The following CRELD1 variants were observed in gnomAD, a reference collection of about 807,000 sequenced individuals.
CRELD1 encodes the protein CRELD disulfide isomerase 1, also known as protein disulfide isomerase CRELD1.
A neutral mutation model predicts 58.2 loss-of-function variants in CRELD1; 42 were observed. That is an observed-to-expected ratio of 0.72 (90% CI 0.56 to 0.93). The LOEUF is 0.93. Among genes scored for constraint, CRELD1 ranks in the 40% least tolerant of loss-of-function variants. CRELD1 has a pLI of 0.00. For missense variants in CRELD1, 500 were observed against 540.6 expected (o/e 0.92, Z 0.74); for synonymous variants, 222 against 202.0 (o/e 1.10, Z -0.84).
At chr3:9,940,040 G>A (rs7627321) in intron 5 of CRELD1, among the ~76,000 whole-genome samples, 54,154 of 150,316 alleles carry the variant, frequency 0.36, 13,106 homozygotes, top group African/African-American at 0.7. Flanking sequence ...GGCGGCTGCC[G>A]GGCGGAGGGG....
In CRELD1 at chr3:9,940,745, G is replaced by A. The variant is rs541443656; in HGVS notation, c.461-105G>A. The A allele has an allele frequency of 1.1e-4, 78 of 680,080 alleles. 1 individual carries two copies. Among genetic ancestry groups the A allele is most frequent in the South Asian group, 1.0e-3 (65 of 64,104 alleles). The allele number at this position is 680,080 out of a possible 1,614,324, so 42.1% of individuals were successfully genotyped here. A position where few individuals can be genotyped will look rare whatever the true frequency, so the allele number is the denominator to read the frequency against. On this transcript the variant is annotated intron_variant, in intron 5 of 10. Transcript: ENST00000452070. ...GAAAGGGGGAGGGGGAGGGGAGGGG[G>A]GGAGGGAGGGAAGGCAAGGGAGAGG... is the stretch of plus-strand genomic sequence containing the variant.
intron 7 of CRELD1, 120 bp from the exon 8 acceptor site, chr3:9,942,693 G>C: frequency 4.9e-6 from 4 of 821,130 alleles, no homozygotes; most frequent in South Asian, 4.1e-5. Context: ...TGTGTTGGTA[G>C]ACAGCTTGCA....
intron 10 of CRELD1, 137 bp downstream of exon 10, chr3:9,943,652 C>A: frequency 6.4e-7 from 1 of 1,567,226 alleles, no homozygotes; most frequent in South Asian, 1.2e-5. Flanking sequence ...GCACTGAGAC[C>A]GGGCTCTACA....
At chr3:9,939,788 C>CG (rs2085296773) in intron 5 of CRELD1, among the ~76,000 whole-genome samples, 1 of 152,060 alleles carries the variant, frequency 6.6e-6, no homozygotes, top group Admixed American at 6.5e-5. Context: ...CACCTTTCCC[C>CG]CTTTTCTATT....
intron 7 of CRELD1, among the ~76,000 whole-genome samples, chr3:9,941,789 CAAAAAAAAA>C (rs34088708): frequency 4.8e-5 from 1 of 20,626 alleles, no homozygotes; most frequent in African/African-American, 1.6e-4. Flanking sequence ...GACTCCATCT[CAAAAAAAAA>C]AAAAAAAAAA....
chr3:9,943,805 C>A (rs2085438975), intron 10 of CRELD1: 1 of 1,611,592 alleles, frequency 6.2e-7, no homozygotes, highest in Admixed American at 1.7e-5. Context: ...CTGCTGAGAG[C>A]TGTCCTAGGC....
rs1330866704 is a variant in CRELD1 at position 9,944,833 on chromosome 3, A to G, written c.*254A>G. ...CAGGCTTCACAATGTGTGAATTTCAAAAGTTTTTCCTTAATGGTGGCTGCT... is the reference window on the plus strand; with the variant it reads ...CAGGCTTCACAATGTGTGAATTTCAGAAGTTTTTCCTTAATGGTGGCTGCT... On this transcript the variant is annotated 3_prime_UTR_variant, in exon 11 of 11. Coordinates refer to ENST00000452070, the MANE Select transcript of CRELD1 (RefSeq NM_001077415.3). 99 of 538,412 alleles carry G rather than the reference A, an allele frequency of 1.8e-4. No homozygotes were observed. In the East Asian group the frequency reaches 3.2e-3, roughly 17 times the overall value. 33.4% of individuals were successfully genotyped at this position (538,412 alleles called of 1,614,324 possible).
Position 9,934,540 on chromosome 3 carries a change from T to C in CRELD1, c.102T>C (p.Pro34=), listed in dbSNP as rs771616408. ...PGPIWLQPSP[P]PQSSPPPQPH... ...CTATCTGGCTCCAGCCCTCTCCACCTCCCCAGTCTTCTCCCCCGCCTCAGC... is the reference window on the plus strand; with the variant it reads ...CTATCTGGCTCCAGCCCTCTCCACCCCCCCAGTCTTCTCCCCCGCCTCAGC... Residue 34 remains proline, a synonymous_variant, in exon 2 of 11, where the codon CCT becomes CCC. Transcript: ENST00000452070. 1.9e-6 allele frequency: 3 copies of C among 1,613,562 alleles called. No homozygotes were observed. Among genetic ancestry groups the C allele is most frequent in the Non-Finnish European group, 2.5e-6 (3 of 1,179,940 alleles).
chr3:9,943,096 A>G lies in CRELD1; in HGVS notation c.837A>G (p.Leu279=). Residue 279 remains leucine (L), a synonymous_variant, in exon 9 of 11, where the codon CTA becomes CTG. Transcript: ENST00000452070. ...YECRDCAKAC[L]GCMGAGPGRC... is the part of the protein sequence containing the mutation. ...CTCCAGACTGTGCCAAGGCCTGCCTAGGCTGCATGGGGGCAGGGCCAGGTC... is the reference window on the plus strand; with the variant it reads ...CTCCAGACTGTGCCAAGGCCTGCCTGGGCTGCATGGGGGCAGGGCCAGGTC... 2 of 1,613,718 alleles carry G rather than the reference A, an allele frequency of 1.2e-6. No homozygotes were observed. The highest frequency in any genetic ancestry group is 1.7e-6 in the Non-Finnish European group (2 of 1,179,962).
chr3:9,941,499 T>C (rs2085364941), intron 7 of CRELD1, among the ~76,000 whole-genome samples: 1 of 151,970 alleles, frequency 6.6e-6, no homozygotes, highest in Admixed American at 6.5e-5. Flanking sequence ...GTCCTAAAAA[T>C]TGAGGAAGGG....
Position 9,940,979 on chromosome 3 carries a change from T to C in CRELD1, c.590T>C (p.Leu197Pro). The change falls in exon 6 of 11, where the codon CTT (leucine) becomes CCT (proline). Residue 197 changes from leucine (L) to proline (P), a missense_variant. Leu to Pro is a moderately conservative substitution (Grantham distance 98). Transcript: ENST00000452070. ...GGTGAGGCCTGTGGCCAGTGTGGCC[T>C]TGGCTACTTTGAGGCAGAACGCAAC... ...YGGEACGQCG[L>P]GYFEAERNAS... The C allele has an allele frequency of 6.2e-7, 1 of 1,614,130 alleles. No homozygotes were observed. The highest frequency in any genetic ancestry group is 8.5e-7 in the Non-Finnish European group (1 of 1,180,014).
rs1470049739 is a variant in CRELD1, at chr3:9,937,592, T to C, written c.288T>C (p.Gly96=). 2.5e-6 allele frequency: 4 copies of C among 1,611,754 alleles called. No individual in the cohort carries two copies. The Admixed American group carries it at 6.7e-5, about 27-fold the overall frequency. Residue 96 remains glycine (G), a synonymous_variant, in exon 4 of 11, where the codon GGT becomes GGC. Coordinates refer to ENST00000452070, the MANE Select transcript of CRELD1 (RefSeq NM_001077415.3). ...CCCGCCTGGTAGAGGTGCTGGAGGG[T>C]GTGTGCAGCAAGTCAGACTTCGAGT... The part of the protein sequence containing the change: ...SETRLVEVLE[G]VCSKSDFECH...
At chr3:9,940,658 T>G (rs1035603184) in intron 5 of CRELD1, among the ~76,000 whole-genome samples, 192 bp from the exon 6 acceptor site, 4 of 108,722 alleles carry the variant, frequency 3.7e-5, no homozygotes, top group South Asian at 3.5e-4. Context: ...GGAGACCGTG[T>G]AAAGAGAGGG....
rs2085073683 is a variant in CRELD1 at position 9,933,919 on chromosome 3, G to C, written c.-21G>C. ...CTTCTTCCTTCTCCGTGGCCTACGA[G>C]GGTCTGGATCCTTCTCTGCCGGCTC... On this transcript the variant is annotated splice_region_variant and 5_prime_UTR_variant, in exon 1 of 11. Transcript: ENST00000452070. 4.9e-6 allele frequency: 2 copies of C among 408,910 alleles called. No individual in the cohort carries two copies. Among genetic ancestry groups the C allele is most frequent in the African/African-American group, 2.1e-5 (1 of 47,236 alleles). 25.3% of individuals were successfully genotyped at this position (408,910 alleles called of 1,614,324 possible). A position where few individuals can be genotyped will look rare whatever the true frequency, so the allele number is the denominator to read the frequency against.
chr3:9,936,685 C>G (rs1000559815), intron 3 of CRELD1, among the ~76,000 whole-genome samples: 1 of 152,042 alleles, frequency 6.6e-6, no homozygotes, highest in Non-Finnish European at 1.5e-5. Flanking sequence ...CATTACCCCC[C>G]CAAAAAATCC....
At chr3:9,939,100 C>T (rs867330543) in intron 5 of CRELD1, among the ~76,000 whole-genome samples, 1 of 151,338 alleles carries the variant, frequency 6.6e-6, no homozygotes. Flanking sequence ...GAGCTATGAT[C>T]ATGTCATTGC....
intron 7 of CRELD1, among the ~76,000 whole-genome samples, chr3:9,941,789 CAAAAAAAAAA>C (rs34088708): frequency 2.4e-4 from 5 of 20,626 alleles, no homozygotes; most frequent in African/African-American, 3.3e-4. Flanking sequence ...GACTCCATCT[CAAAAAAAAAA>C]AAAAAAAAAA....
At chr3:9,934,292 C>T (rs558110136) in intron 1 of CRELD1, 128 bp from the exon 2 acceptor site, 62 of 702,026 alleles carry the variant, frequency 8.8e-5, no homozygotes, top group South Asian at 8.0e-4. Context: ...CCCTGCAATA[C>T]CCAGTTTGGC....
chr3:9,938,450 C>T, intron 5 of CRELD1: 1 of 328,532 alleles, frequency 3.0e-6, no homozygotes, highest in Non-Finnish European at 5.8e-6. Flanking sequence ...CGCCATCCAT[C>T]CTCACACACA....
Sources: gnomAD v4.1 joint callset for allele counts (sites outside exome capture counted in the v4.1 genomes callset) on GRCh38, gnomAD v4.1.1 for gene constraint, MANE v1.5 for transcripts, NCBI Gene and HGNC (gene_info 2026-07-23, HGNC 2026-07-21) for gene names.